The following ULK2 variants were observed in gnomAD, a reference collection of about 807,000 sequenced individuals.
ULK2 encodes the protein serine/threonine-protein kinase ULK2.
Under a neutral mutation model 127.5 loss-of-function variants are expected in ULK2, and 76 were observed. The ratio of observed to expected loss-of-function variants is 0.60; its 90% CI spans 0.50 to 0.72. The LOEUF (loss-of-function observed/expected upper bound fraction) is 0.72. Ranked by LOEUF, ULK2 falls within the 30% of genes least tolerant of loss-of-function variation. ULK2 has a pLI of 0.00. For missense variants in ULK2, 1,144 were observed against 1,295.9 expected (o/e 0.88, Z 1.80); for synonymous variants, 452 against 461.9 (o/e 0.98, Z 0.28).
chr17:19,856,255 C>T (rs935348723), intron 3 of ULK2: 1 of 152,196 alleles, frequency 6.6e-6, no homozygotes, highest in Admixed American at 6.6e-5. Context: ...CAGAATTATA[C>T]TGTAGCAGTA....
intron 9 of ULK2, among the ~76,000 whole-genome samples, chr17:19,839,552 C>T (rs554597471): frequency 6.6e-6 from 1 of 151,428 alleles, no homozygotes; most frequent in Admixed American, 6.6e-5. Context: ...GTCCTAGCTA[C>T]CTGAGAGGCT....
intron 3 of ULK2, chr17:19,856,237 C>T (rs2042122778): frequency 1.3e-5 from 2 of 152,146 alleles, no homozygotes; most frequent in African/African-American, 4.8e-5. Context: ...TCCCAAAATT[C>T]ACAAAAACAG....
intron 14 of ULK2, among the ~76,000 whole-genome samples, chr17:19,808,337 C>T (rs1188700752): frequency 1.3e-5 from 2 of 152,060 alleles, no homozygotes; most frequent in Non-Finnish European, 2.9e-5. Flanking sequence ...TAGACAAAAA[C>T]ATAGAGGGAA....
intron 25 of ULK2, 135 bp downstream of exon 25, chr17:19,780,337 T>TA: frequency 2.9e-6 from 2 of 695,510 alleles, no homozygotes; most frequent in Non-Finnish European, 4.3e-6. Context: ...ATTACTTCTT[T>TA]AGTAGAAGGC....
At chr17:19,843,367 G>A in intron 7 of ULK2, 145 bp from the exon 8 acceptor site, 3 of 498,046 alleles carry the variant, frequency 6.0e-6, no homozygotes, top group Non-Finnish European at 1.0e-5. Context: ...CAAATAATAA[G>A]GCAAAGAACT....
chr17:19,780,302 T>C (rs988551114), intron 25 of ULK2, among the ~76,000 whole-genome samples, 170 bp downstream of exon 25: 1 of 152,148 alleles, frequency 6.6e-6, no homozygotes, highest in African/African-American at 2.4e-5. Context: ...ATCCAGTAAA[T>C]GACATTAACA....
intron 14 of ULK2, among the ~76,000 whole-genome samples, chr17:19,805,858 G>A (rs1217136128): frequency 2.0e-5 from 3 of 152,176 alleles, no homozygotes; most frequent in Non-Finnish European, 2.9e-5. Flanking sequence ...TTCTGCATGA[G>A]AGAAAACCTT....
chr17:19,842,479 G>A (rs2041788943), intron 8 of ULK2, among the ~76,000 whole-genome samples: 1 of 152,020 alleles, frequency 6.6e-6, no homozygotes, highest in Non-Finnish European at 1.5e-5. Context: ...TTACAGGTGT[G>A]AGCCACCACG....
intron 16 of ULK2, 74 bp downstream of exon 16, chr17:19,801,703 A>G: frequency 6.3e-7 from 1 of 1,593,826 alleles, no homozygotes; most frequent in Non-Finnish European, 8.5e-7. Context: ...CGAAGTTCCT[A>G]AAGAAAATGT....
intron 10 of ULK2, among the ~76,000 whole-genome samples, chr17:19,830,895 C>T (rs928149568): frequency 2.0e-5 from 3 of 151,962 alleles, no homozygotes; most frequent in Non-Finnish European, 4.4e-5. Flanking sequence ...TGCGTGGTGG[C>T]ACGCAGCTGT....
intron 12 of ULK2, among the ~76,000 whole-genome samples, chr17:19,819,806 T>C (rs565112100): frequency 1.3e-5 from 2 of 152,228 alleles, no homozygotes; most frequent in African/African-American, 4.8e-5. Context: ...CTGGCTCTTC[T>C]CCTTCCTTAC....
At chr17:19,805,275 T>C (rs1480524724) in intron 14 of ULK2, among the ~76,000 whole-genome samples, 2 of 152,240 alleles carry the variant, frequency 1.3e-5, no homozygotes, top group Non-Finnish European at 2.9e-5. Flanking sequence ...TCTGACTTTA[T>C]GAAGAAGGAG....
chr17:19,789,857 G>C (rs1326677660), intron 20 of ULK2, among the ~76,000 whole-genome samples: 1 of 85,652 alleles, frequency 1.2e-5, no homozygotes, highest in Non-Finnish European at 2.5e-5. Flanking sequence ...AGAGGAAACA[G>C]AAGAAAAAAA....
At chr17:19,783,986 C>T (rs2086975186) in intron 21 of ULK2, 81 bp from the exon 22 acceptor site, 1 of 1,234,598 alleles carries the variant, frequency 8.1e-7, no homozygotes, top group Non-Finnish European at 1.0e-6. Flanking sequence ...ACTAAACAAA[C>T]CTGCTGAGGT....
rs776942409 is a variant in ULK2, at chr17:19,780,535, CCT to C, written c.2851_2852del (p.Arg951ValfsTer3). 8 of 1,613,798 alleles carry C rather than the reference CCT, an allele frequency of 5.0e-6. No homozygotes were observed. The Admixed American group carries it at 8.3e-5, about 17-fold the overall frequency. On this transcript the variant is annotated frameshift_variant, in exon 25 of 27. Coordinates refer to ENST00000395544, the MANE Select transcript of ULK2 (RefSeq NM_014683.4). LOFTEE classifies it high-confidence loss of function. ...KLNRFFSDKQ[R>X]FIDEINSVTA... ...TCACACTGTTGATTTCATCAATAAA[CCT>C]CTGTTTGTCAGAGAAGAATCGATTC...
In ULK2 at chr17:19,845,442, A is replaced by G. The variant is rs868200449; in HGVS notation, c.470-65T>C. On this transcript the variant is annotated intron_variant, in intron 6 of 26. Transcript: ENST00000395544. ...TTCGCTCATACCTAACATATATCATATGATTCTTCGAGACACAAGAAGGCA... is the reference window on the plus strand; with the variant it reads ...TTCGCTCATACCTAACATATATCATGTGATTCTTCGAGACACAAGAAGGCA... 1.4e-4 allele frequency: 180 copies of G among 1,242,940 alleles called. 4 individuals are homozygous for G. The South Asian group carries it at 1.8e-3, about 12-fold the overall frequency. The allele number at this position is 1,242,940 out of a possible 1,614,324, so 77.0% of individuals were successfully genotyped here. A position where few individuals can be genotyped will look rare whatever the true frequency, so the allele number is the denominator to read the frequency against.
intron 9 of ULK2, chr17:19,840,242 A>G (rs2041710210): frequency 2.0e-6 from 1 of 512,318 alleles, no homozygotes; most frequent in African/African-American, 1.9e-5. Flanking sequence ...AGTTGGCCAT[A>G]AGAGCCGGGC....
intron 12 of ULK2, among the ~76,000 whole-genome samples, chr17:19,820,237 T>C (rs1422501377): frequency 2.0e-5 from 3 of 151,974 alleles, no homozygotes; most frequent in Non-Finnish European, 4.4e-5. Flanking sequence ...TTAGTAGAAA[T>C]AGGGTTTCAC....
Position 19,792,974 on chromosome 17 carries a change from CAT to C in ULK2, c.2101+2646_2101+2647del, listed in dbSNP as rs368413053. Among the ~76,000 whole-genome samples the C allele has an allele frequency of 5.1e-3, 772 of 152,286 alleles. 5 individuals are homozygous for C. The highest frequency in any genetic ancestry group is 0.018 in the African/African-American group (741 of 41,554). On this transcript the variant is annotated intron_variant, in intron 20 of 26. Coordinates refer to ENST00000395544, the MANE Select transcript of ULK2 (RefSeq NM_014683.4). ...AAATAGTTAAGAGTCCAGAAATAAACATATTTATAGTTGTATTAGTTCATTTT... is the reference window on the plus strand; with the variant it reads ...AAATAGTTAAGAGTCCAGAAATAAACATTTATAGTTGTATTAGTTCATTTT...
Sources: allele counts gnomAD v4.1 joint callset (sites outside exome capture counted in the v4.1 genomes callset), GRCh38; gene constraint gnomAD v4.1.1; transcripts MANE v1.5; gene names NCBI Gene and HGNC (gene_info 2026-07-23, HGNC 2026-07-21).